Variants in PRKAR2B observed in about 807,000 individuals in gnomAD.
PRKAR2B encodes the protein protein kinase cAMP-dependent type II regulatory subunit beta.
Under a neutral mutation model 49.9 loss-of-function variants are expected in PRKAR2B, and 14 were observed. That is an observed-to-expected ratio of 0.28 (90% CI 0.19 to 0.44). PRKAR2B has a LOEUF of 0.44. PRKAR2B is among the 20% of genes least tolerant of loss of function. PRKAR2B has a pLI of 1.00. For synonymous variants in PRKAR2B, 196 were observed against 197.7 expected (o/e 0.99, Z 0.07); for missense variants, 393 against 537.9 (o/e 0.73, Z 2.67).
At chr7:107,058,685 A>T (rs1793962803) in intron 1 of PRKAR2B, among the ~76,000 whole-genome samples, 1 of 152,218 alleles carries the variant, frequency 6.6e-6, no homozygotes, top group East Asian at 1.9e-4. Context: ...AATGGAATCC[A>T]AAAGGTATTT....
chr7:107,113,996 T>G (rs1454758387), intron 2 of PRKAR2B, among the ~76,000 whole-genome samples: 1 of 152,218 alleles, frequency 6.6e-6, no homozygotes, highest in African/African-American at 2.4e-5. Flanking sequence ...TTGATAGGAT[T>G]CCTTTGATAA....
At position 107,161,433 on chromosome 7, in the gene PRKAR2B, C is replaced by T. The variant is rs753165113; in HGVS notation, c.*1851C>T. ...ACTTTGACCAAGGCTATAAATGCCA[C>T]GTACATTATTTTCAGTATTGTTGGT... On this transcript the variant is annotated 3_prime_UTR_variant, in exon 11 of 11. Transcript: ENST00000265717. 2.4e-4 allele frequency: 37 copies of T among 152,704 alleles called. No homozygotes were observed. The highest frequency in any genetic ancestry group is 4.4e-4 in the Non-Finnish European group (30 of 68,028). 9.5% of individuals were successfully genotyped at this position (152,704 alleles called of 1,614,324 possible).
chr7:107,096,352 C>T (rs1018208838), intron 2 of PRKAR2B, among the ~76,000 whole-genome samples: 1 of 151,826 alleles, frequency 6.6e-6, no homozygotes, highest in Non-Finnish European at 1.5e-5. Flanking sequence ...TGGTGATATC[C>T]CCTTTATCAT....
intron 1 of PRKAR2B, among the ~76,000 whole-genome samples, chr7:107,067,926 T>C (rs1048010989): frequency 1.3e-5 from 2 of 152,198 alleles, no homozygotes; most frequent in African/African-American, 2.4e-5. Context: ...CAGATGGTTA[T>C]AAATGGACTT....
chr7:107,115,535 T>TTC (rs1795256788), intron 2 of PRKAR2B, among the ~76,000 whole-genome samples: 1 of 152,218 alleles, frequency 6.6e-6, no homozygotes, highest in East Asian at 1.9e-4. Context: ...ATTGTAATGG[T>TTC]TCTGTTCAGA....
chr7:107,082,517 G>A (rs752701264), intron 2 of PRKAR2B, among the ~76,000 whole-genome samples: 4 of 152,098 alleles, frequency 2.6e-5, no homozygotes, highest in Non-Finnish European at 5.9e-5. Flanking sequence ...TAATAAATAA[G>A]CATTCATGTT....
intron 1 of PRKAR2B, among the ~76,000 whole-genome samples, chr7:107,064,556 A>G (rs970667067): frequency 2.0e-5 from 3 of 152,190 alleles, no homozygotes; most frequent in Non-Finnish European, 4.4e-5. Context: ...GTTATGTCTC[A>G]TAAGAAGTGC....
intron 3 of PRKAR2B, among the ~76,000 whole-genome samples, chr7:107,124,136 G>A (rs952329470): frequency 1.5e-4 from 23 of 152,224 alleles, no homozygotes; most frequent in East Asian, 5.8e-4. Context: ...GAAATTTATC[G>A]TCTGATATGA....
intron 1 of PRKAR2B, among the ~76,000 whole-genome samples, chr7:107,045,919 A>G (rs1378947168): frequency 6.6e-6 from 1 of 152,228 alleles, no homozygotes; most frequent in Non-Finnish European, 1.5e-5. Context: ...TAAAAGACAT[A>G]TTGAATGATT....
Position 107,161,211 on chromosome 7 carries a change from T to C in PRKAR2B, c.*1629T>C, listed in dbSNP as rs1448671811. On this transcript the variant is annotated 3_prime_UTR_variant, in exon 11 of 11. Transcript: ENST00000265717. Reference sequence around the variant, plus strand: ...ACCTTCTTGTAGGAAAAGAGAGCTCTCTACATGAAGATGACTTGTTTTATA... The same window carrying C: ...ACCTTCTTGTAGGAAAAGAGAGCTCCCTACATGAAGATGACTTGTTTTATA... 6.6e-6 allele frequency: 1 copy of C among 152,246 alleles called. No homozygotes were observed. Among genetic ancestry groups the C allele is most frequent in the African/African-American group, 2.4e-5 (1 of 41,468 alleles). 9.4% of individuals were successfully genotyped at this position (152,246 alleles called of 1,614,324 possible).
chr7:107,149,518 C>T (rs1195263977), intron 6 of PRKAR2B, among the ~76,000 whole-genome samples: 2 of 151,988 alleles, frequency 1.3e-5, no homozygotes, highest in Non-Finnish European at 2.9e-5. Context: ...GTGGAAGGGG[C>T]AAGGGAGCTC....
Position 107,108,527 on chromosome 7 carries a change from G to T in PRKAR2B, c.344-13425G>T, listed in dbSNP as rs142617973. ...CCAGAGGCCTTGTTCCCTCTTCTTG[G>T]TTCACCCAAAAAGATCAATGTCAAG... On this transcript the variant is annotated intron_variant, in intron 2 of 10. Coordinates refer to ENST00000265717, the MANE Select transcript of PRKAR2B (RefSeq NM_002736.3). Among the ~76,000 whole-genome samples the T allele has an allele frequency of 3.2e-3, 480 of 152,278 alleles. 4 individuals carry two copies. Among genetic ancestry groups the T allele is most frequent in the African/African-American group, 0.011 (452 of 41,570 alleles).
chr7:107,155,611 C>G (rs1796067618), intron 8 of PRKAR2B, among the ~76,000 whole-genome samples: 1 of 152,038 alleles, frequency 6.6e-6, no homozygotes, highest in African/African-American at 2.4e-5. Flanking sequence ...TTGCATTTCT[C>G]TAATGATCAG....
At chr7:107,110,689 A>C (rs1018359413) in intron 2 of PRKAR2B, among the ~76,000 whole-genome samples, 2 of 151,964 alleles carry the variant, frequency 1.3e-5, no homozygotes, top group African/African-American at 4.8e-5. Context: ...TACTGCCTTG[A>C]AGGGAAGGAC....
Position 107,097,466 on chromosome 7 carries a change from T to C in PRKAR2B, c.344-24486T>C, listed in dbSNP as rs139614763. ...ATGAATCTTGACTCTTTATCCACTT[T>C]GTCAGTCTGTGTCTTTTAATTGGAG... On this transcript the variant is annotated intron_variant, in intron 2 of 10. Transcript: ENST00000265717. 8.5e-3 allele frequency among the ~76,000 whole-genome samples: 1,291 copies of C among 152,302 alleles called. 20 individuals are homozygous for C. Among genetic ancestry groups the C allele is most frequent in the African/African-American group, 0.03 (1,237 of 41,558 alleles).
intron 8 of PRKAR2B, 98 bp downstream of exon 8, chr7:107,153,349 A>G: frequency 5.2e-6 from 4 of 765,280 alleles, no homozygotes; most frequent in South Asian, 4.8e-5. Flanking sequence ...TAAAATTAGT[A>G]TGCAGTGATG....
At chr7:107,148,338 TC>T (rs571331131) in intron 6 of PRKAR2B, among the ~76,000 whole-genome samples, 320 of 152,336 alleles carry the variant, frequency 2.1e-3, no homozygotes, top group Non-Finnish European at 3.7e-3. Flanking sequence ...CAGAATAAGA[TC>T]AACTGTTTTA....
chr7:107,078,609 A>T (rs556487203), intron 2 of PRKAR2B, among the ~76,000 whole-genome samples: 1 of 152,318 alleles, frequency 6.6e-6, no homozygotes, highest in East Asian at 1.9e-4. Flanking sequence ...GAACAGAGCA[A>T]GTACTGCTCC....
At chr7:107,062,036 A>G (rs902670479) in intron 1 of PRKAR2B, among the ~76,000 whole-genome samples, 5 of 152,170 alleles carry the variant, frequency 3.3e-5, no homozygotes, top group Non-Finnish European at 7.4e-5. Flanking sequence ...AATGGCTAAA[A>G]TAAGACATAC....
Sources: allele counts gnomAD v4.1 joint callset (sites outside exome capture counted in the v4.1 genomes callset), GRCh38; gene constraint gnomAD v4.1.1; transcripts MANE v1.5; gene names NCBI Gene and HGNC (gene_info 2026-07-23, HGNC 2026-07-21).